Variants in RNF175 observed in about 807,000 individuals in gnomAD.
RNF175 encodes ring finger protein 175.
RNF175 carries 38 observed loss-of-function variants against 50.0 expected under a neutral mutation model. That is an observed-to-expected ratio of 0.76 (90% confidence interval 0.59 to 1.00). The LOEUF is 1.00. Ranked by LOEUF, RNF175 falls within the 50% of genes least tolerant of loss-of-function variation. The probability of loss-of-function intolerance (pLI) is 0.00; values close to 1 mark genes in which losing one functional copy is unlikely to be tolerated. For missense variants in RNF175, 388 were observed against 409.6 expected (o/e 0.95, Z 0.46); for synonymous variants, 155 against 146.1 (o/e 1.06, Z -0.44).
At chr4:153,748,310 G>T in intron 3 of RNF175, 1 of 201,750 alleles carries the variant, frequency 5.0e-6, no homozygotes, top group African/African-American at 2.3e-5. Context: ...GGGTTTTTCA[G>T]TCTTGGCACC....
intron 3 of RNF175, among the ~76,000 whole-genome samples, chr4:153,742,125 TTAGC>T (rs1739694559): frequency 6.6e-6 from 1 of 151,962 alleles, no homozygotes; most frequent in East Asian, 1.9e-4. Context: ...AATAAAAAAA[TTAGC>T]TAGGAGCAGT....
chr4:153,749,227 C>T lies in RNF175; in HGVS notation c.105-441G>A, dbSNP rs113820941. ...TCCTCATTTGCAAATTTCAAATAAC[C>T]ATCCTTCTGTAACTGACAAGGTTGT... On this transcript the variant is annotated intron_variant, in intron 2 of 8. Coordinates refer to ENST00000347063, the MANE Select transcript of RNF175 (RefSeq NM_173662.4). Among the ~76,000 whole-genome samples the T allele has an allele frequency of 6.8e-4, 103 of 152,344 alleles. 1 individual carries two copies. Among genetic ancestry groups the T allele is most frequent in the African/African-American group, 2.4e-3 (98 of 41,580 alleles).
chr4:153,754,838 A>C (rs937649755), intron 1 of RNF175, among the ~76,000 whole-genome samples: 1 of 152,210 alleles, frequency 6.6e-6, no homozygotes, highest in Non-Finnish European at 1.5e-5. Flanking sequence ...AGAGACTGGA[A>C]GGGGCAAGTA....
At chr4:153,726,494 C>G (rs1437086076) in intron 4 of RNF175, among the ~76,000 whole-genome samples, 4 of 152,206 alleles carry the variant, frequency 2.6e-5, no homozygotes, top group Admixed American at 6.5e-5. Flanking sequence ...GCACCCCATC[C>G]TGAAACAAGA....
At chr4:153,754,933 A>G (rs1322890766) in intron 1 of RNF175, among the ~76,000 whole-genome samples, 1 of 151,966 alleles carries the variant, frequency 6.6e-6, no homozygotes, top group Non-Finnish European at 1.5e-5. Context: ...ACTGTGAGAT[A>G]ATACATTTTT....
intron 6 of RNF175, among the ~76,000 whole-genome samples, chr4:153,718,226 G>GTTTTTTTT (rs1325216298): frequency 1.0e-3 from 31 of 30,574 alleles, no homozygotes; most frequent in African/African-American, 2.0e-3. Context: ...TTGTTTGTTT[G>GTTTTTTTT]TTTGTTTGTT....
intron 1 of RNF175, among the ~76,000 whole-genome samples, chr4:153,757,725 C>G (rs1740631306): frequency 6.6e-6 from 1 of 151,676 alleles, no homozygotes; most frequent in African/African-American, 2.4e-5. Context: ...CTTAGACAAG[C>G]AGAAGAGGGA....
chr4:153,733,656 T>C (rs1185377132), intron 3 of RNF175, among the ~76,000 whole-genome samples: 1 of 152,224 alleles, frequency 6.6e-6, no homozygotes, highest in Non-Finnish European at 1.5e-5. Context: ...TTGTTTTCCA[T>C]ATTTTTAATG....
At chr4:153,741,451 C>T (rs62325084) in intron 3 of RNF175, among the ~76,000 whole-genome samples, 26,899 of 152,220 alleles carry the variant, frequency 0.18, 3,096 homozygotes, top group Non-Finnish European at 0.25. Context: ...GAGTTTCTCA[C>T]TCTCACACTA....
chr4:153,755,251 G>T (rs1471571319), intron 1 of RNF175, among the ~76,000 whole-genome samples: 5 of 152,268 alleles, frequency 3.3e-5, no homozygotes, highest in Non-Finnish European at 7.3e-5. Context: ...TAAGCCAAGA[G>T]AAAAGACCTA....
chr4:153,722,765 G>T (rs1211577942), intron 5 of RNF175, among the ~76,000 whole-genome samples: 1 of 76,544 alleles, frequency 1.3e-5, no homozygotes, highest in African/African-American at 4.6e-5. Flanking sequence ...CATTTAATAA[G>T]TCAAAAAAAA....
chr4:153,751,475 G>A lies in RNF175; in HGVS notation c.67C>T (p.Leu23Phe), dbSNP rs1740287494. The A allele has an allele frequency of 1.3e-6, 2 of 1,554,992 alleles. No homozygotes were observed. The highest frequency in any genetic ancestry group is 1.7e-6 in the Non-Finnish European group (2 of 1,149,344). The change falls in exon 2 of 9, where the codon CTC becomes TTC. Residue 23 changes from leucine to phenylalanine, a missense_variant and splice_region_variant. Physicochemically the swap from Leu to Phe is conservative, Grantham distance 22. Coordinates refer to ENST00000347063, the MANE Select transcript of RNF175 (RefSeq NM_173662.4). ...TCTGCAGAAAGCTTTGTATGAGAGAGCTGAAAAACATAAAAAGGGCCCTTA... is the reference window on the plus strand; with the variant it reads ...TCTGCAGAAAGCTTTGTATGAGAGAACTGAAAAACATAAAAAGGGCCCTTA... ...VLEAPPQQEQ[L>F]SHTKLSAEDT...
intron 3 of RNF175, among the ~76,000 whole-genome samples, chr4:153,730,925 C>G (rs1420877595): frequency 6.6e-6 from 1 of 152,050 alleles, no homozygotes; most frequent in Non-Finnish European, 1.5e-5. Flanking sequence ...TCTCTTGATG[C>G]CTAGATTTAA....
At chr4:153,725,223 G>A (rs908836637) in intron 4 of RNF175, among the ~76,000 whole-genome samples, 2 of 152,172 alleles carry the variant, frequency 1.3e-5, no homozygotes, top group African/African-American at 4.8e-5. Flanking sequence ...GCCTCAAAAG[G>A]AAGCCAGAGA....
chr4:153,754,127 G>A (rs1358122177), intron 1 of RNF175, among the ~76,000 whole-genome samples: 3 of 115,316 alleles, frequency 2.6e-5, no homozygotes, highest in Non-Finnish European at 5.2e-5. Context: ...CTGAGATCGC[G>A]CCACTGCACT....
intron 1 of RNF175, among the ~76,000 whole-genome samples, chr4:153,757,150 G>A (rs978038356): frequency 1.3e-5 from 2 of 152,116 alleles, no homozygotes; most frequent in Non-Finnish European, 2.9e-5. Flanking sequence ...CCTCATTTCT[G>A]CTCACCCTTG....
intron 3 of RNF175, among the ~76,000 whole-genome samples, chr4:153,730,610 C>T (rs143699594): frequency 6.6e-6 from 1 of 152,152 alleles, no homozygotes; most frequent in South Asian, 2.1e-4. Context: ...AAAGTCTGAT[C>T]ATCTGTCGTT....
rs780254886 is a variant in RNF175, at chr4:153,715,578, C to G, written c.715G>C (p.Asp239His). 6.2e-7 allele frequency: 1 copy of G among 1,613,078 alleles called. No individual in the cohort carries two copies. The highest frequency in any genetic ancestry group is 1.7e-5 in the Admixed American group (1 of 59,862). ...VCGQKIIVEL[D>H]EEGLIENTYQ... ...GTGTTTTCAATGAGCCCTTCTTCAT[C>G]AAGCTCCACAATGATCTTCTGCCCA... The change falls in exon 7 of 9, where the codon GAT (aspartate) becomes CAT (histidine). Residue 239 changes from aspartate (D) to histidine (H), a missense_variant. Physicochemically the swap from Asp to His is moderately conservative, Grantham distance 81 (BLOSUM62 -1). Transcript: ENST00000347063.
chr4:153,710,598 T>C (rs555556910), intron 8 of RNF175, 109 bp from the exon 9 acceptor site: 3 of 1,060,836 alleles, frequency 2.8e-6, no homozygotes, highest in Non-Finnish European at 4.1e-6. Flanking sequence ...ATTTCCTTTC[T>C]TGTTAATTCT....
Sources: gnomAD v4.1 joint callset for allele counts (sites outside exome capture counted in the v4.1 genomes callset) on GRCh38, gnomAD v4.1.1 for gene constraint, MANE v1.5 for transcripts, NCBI Gene and HGNC (gene_info 2026-07-23, HGNC 2026-07-21) for gene names.